Variants in NRP1 observed in about 807,000 individuals in gnomAD.
The protein encoded by NRP1 is neuropilin-1.
In NRP1, 35 loss-of-function variants were observed where a neutral mutation model predicts 106.7. The observed-to-expected ratio is 0.33, with a 90% CI of 0.25 to 0.43. NRP1 has a LOEUF of 0.43. Among genes scored for constraint, NRP1 ranks in the 20% least tolerant of loss-of-function variants. The probability of loss-of-function intolerance (pLI) is 1.00; values close to 1 mark genes in which losing one functional copy is unlikely to be tolerated. For synonymous variants in NRP1, 437 were observed against 417.9 expected (o/e 1.05, Z -0.56); for missense variants, 1,024 against 1,170.4 (o/e 0.87, Z 1.83).
chr10:33,309,232 G>T (rs1846393972), intron 2 of NRP1, among the ~76,000 whole-genome samples: 1 of 152,118 alleles, frequency 6.6e-6, no homozygotes, highest in African/African-American at 2.4e-5. Context: ...TACTACAGAT[G>T]GCCACTACTA....
intron 8 of NRP1, among the ~76,000 whole-genome samples, chr10:33,216,143 T>TC (rs1011785940): frequency 5.3e-5 from 8 of 150,002 alleles, no homozygotes; most frequent in African/African-American, 1.2e-4. Context: ...TTTCTTTCTT[T>TC]TTTTTTTTTT....
chr10:33,239,851 T>A (rs1840880322), intron 6 of NRP1, among the ~76,000 whole-genome samples: 1 of 152,206 alleles, frequency 6.6e-6, no homozygotes, highest in Admixed American at 6.5e-5. Flanking sequence ...CACAGGATGT[T>A]TATGTATCAG....
In NRP1 at chr10:33,177,917, A is replaced by T. The variant is rs1013792998; in HGVS notation, c.*2159T>A. Reference sequence around the variant, plus strand: ...AAATTAATAACTTTATAAACATATAATTTTTAAATATATTTATCAGTGCAA... The same window carrying T: ...AAATTAATAACTTTATAAACATATATTTTTTAAATATATTTATCAGTGCAA... On this transcript the variant is annotated 3_prime_UTR_variant, in exon 17 of 17. Transcript: ENST00000374867. The T allele has an allele frequency of 2.0e-5, 3 of 152,614 alleles. No individual in the cohort carries two copies. Among genetic ancestry groups the T allele is most frequent in the Admixed American group, 6.5e-5 (1 of 15,278 alleles). 9.5% of individuals were successfully genotyped at this position (152,614 alleles called of 1,614,324 possible).
chr10:33,183,735 G>T (rs547722576), intron 15 of NRP1, among the ~76,000 whole-genome samples: 12 of 152,292 alleles, frequency 7.9e-5, no homozygotes, highest in Admixed American at 2.6e-4. Context: ...ATGAATGAAT[G>T]AAAGATTAAT....
intron 4 of NRP1, among the ~76,000 whole-genome samples, chr10:33,260,607 T>G (rs757554296): frequency 2.6e-5 from 4 of 152,166 alleles, no homozygotes; most frequent in Non-Finnish European, 4.4e-5. Flanking sequence ...CGGGCAATGA[T>G]GCTGCACTTT....
Position 33,330,799 on chromosome 10 carries a change from T to C in NRP1, c.157A>G (p.Lys53Glu), listed in dbSNP as rs776148094. ...GGAGCCTGAATCAGCCATTCGCATT[T>C]TTCACTTGGGTGATAAGAATGAGGA... Reference protein sequence around the residue: ...GYPHSYHPSEKCEWLIQAPDP... With the variant: ...GYPHSYHPSEECEWLIQAPDP... Residue 53 changes from lysine to glutamate, a missense_variant, in exon 2 of 17, where the codon AAA becomes GAA. Coordinates refer to ENST00000374867, the MANE Select transcript of NRP1 (RefSeq NM_003873.7). 5 of 1,613,826 alleles carry C rather than the reference T, an allele frequency of 3.1e-6. No individual in the cohort carries two copies. Among genetic ancestry groups the C allele is most frequent in the Admixed American group, 1.7e-5 (1 of 60,000 alleles).
At chr10:33,203,098 G>C in intron 10 of NRP1, 103 bp from the exon 11 acceptor site, 2 of 1,144,034 alleles carry the variant, frequency 1.7e-6, no homozygotes, top group Non-Finnish European at 2.5e-6. Flanking sequence ...TTTAATCTGC[G>C]GTAAGAAGAC....
At chr10:33,330,395 G>GAA (rs559017298) in intron 2 of NRP1, among the ~76,000 whole-genome samples, 11 of 127,600 alleles carry the variant, frequency 8.6e-5, no homozygotes, top group African/African-American at 2.8e-4. Context: ...CCCTCTCCAG[G>GAA]AAAAAAAAAA....
At chr10:33,237,420 C>A (rs1459271153) in intron 6 of NRP1, among the ~76,000 whole-genome samples, 3 of 151,652 alleles carry the variant, frequency 2.0e-5, no homozygotes, top group Non-Finnish European at 2.9e-5. Context: ...GGGGGTTGGA[C>A]TTTGGCTGGG....
chr10:33,221,028 C>T lies in NRP1; in HGVS notation c.1282+691G>A, dbSNP rs547907324. ...GGAGGATAGCTTGAGTCCAGGAGTT[C>T]GAGACCAGCCCAAGCAACATAGGGG... is the stretch of plus-strand genomic sequence containing the variant. On this transcript the variant is annotated intron_variant, in intron 8 of 16. Coordinates refer to ENST00000374867, the MANE Select transcript of NRP1 (RefSeq NM_003873.7). Among the ~76,000 whole-genome samples the T allele has an allele frequency of 9.2e-5, 14 of 151,794 alleles. No individual in the cohort carries two copies. The East Asian group carries it at 2.1e-3, about 23-fold the overall frequency.
intron 9 of NRP1, chr10:33,212,263 G>A (rs1052339017): frequency 6.6e-6 from 1 of 152,344 alleles, no homozygotes; most frequent in Non-Finnish European, 1.5e-5. Context: ...ATAGCTAAAG[G>A]TGACAGCAAT....
At chr10:33,255,030 T>C (rs952026892) in intron 5 of NRP1, among the ~76,000 whole-genome samples, 2 of 152,162 alleles carry the variant, frequency 1.3e-5, no homozygotes, top group Non-Finnish European at 2.9e-5. Context: ...AGCTTTCAGT[T>C]TTAGGAAAAT....
In NRP1 at chr10:33,180,115, T is replaced by G; in HGVS notation, c.2733A>C (p.Lys911Asn). The change falls in exon 17 of 17, where the codon AAA becomes AAC. Residue 911 changes from lysine to asparagine, a missense_variant. Physicochemically the swap from Lys to Asn is moderately conservative, Grantham distance 94. Around this residue, in one of 5 missense-constraint regions of NRP1, gnomAD observed 164 missense variants for 161.4 expected, o/e 1.02. Coordinates refer to ENST00000374867, the MANE Select transcript of NRP1 (RefSeq NM_003873.7). ...AAGTACTCTGTGTATTCAGTTTGTCTTTTTTCAACTTCACACCATCCACAA... is the reference window on the plus strand; with the variant it reads ...AAGTACTCTGTGTATTCAGTTTGTCGTTTTTCAACTTCACACCATCCACAA... ...FELVDGVKLKKDKLNTQSTYS... is the reference protein window; with the variant it reads ...FELVDGVKLKNDKLNTQSTYS... 6.2e-7 allele frequency: 1 copy of G among 1,614,192 alleles called. No homozygotes were observed. Among genetic ancestry groups the G allele is most frequent in the Non-Finnish European group, 8.5e-7 (1 of 1,180,026 alleles).
At chr10:33,267,553 A>G (rs940102596) in intron 3 of NRP1, among the ~76,000 whole-genome samples, 1 of 152,178 alleles carries the variant, frequency 6.6e-6, no homozygotes, top group African/African-American at 2.4e-5. Context: ...ACATATATCA[A>G]GTGACCAAGT....
At chr10:33,286,015 T>G (rs1025737891) in intron 2 of NRP1, among the ~76,000 whole-genome samples, 1 of 152,334 alleles carries the variant, frequency 6.6e-6, no homozygotes, top group Admixed American at 6.5e-5. Flanking sequence ...CAGTATTTAA[T>G]GTCATTCCCA....
At chr10:33,216,279 A>G (rs1438844560) in intron 8 of NRP1, among the ~76,000 whole-genome samples, 1 of 151,320 alleles carries the variant, frequency 6.6e-6, no homozygotes, top group Non-Finnish European at 1.5e-5. Context: ...CTAGGACTCC[A>G]GGCGCCTGCC....
intron 2 of NRP1, among the ~76,000 whole-genome samples, chr10:33,319,571 TC>T (rs1370323416): frequency 7.0e-6 from 1 of 142,518 alleles, no homozygotes; most frequent in African/African-American, 2.7e-5. Context: ...CTTTTTTTTT[TC>T]TTTCTTTCTT....
intron 2 of NRP1, among the ~76,000 whole-genome samples, chr10:33,277,618 A>G (rs1843803906): frequency 6.6e-6 from 1 of 152,208 alleles, no homozygotes; most frequent in Non-Finnish European, 1.5e-5. Context: ...GCTGGGCCAC[A>G]ACCTGGCTGC....
intron 6 of NRP1, among the ~76,000 whole-genome samples, chr10:33,239,209 G>A (rs906660800): frequency 2.6e-5 from 4 of 151,782 alleles, no homozygotes; most frequent in Admixed American, 2.0e-4. Context: ...GATCACTTGA[G>A]CCCAGGAGGT....
Sources: allele counts gnomAD v4.1 joint callset (sites outside exome capture counted in the v4.1 genomes callset), GRCh38; gene constraint gnomAD v4.1.1; regional missense constraint gnomAD v4.1.1; transcripts MANE v1.5; gene names NCBI Gene and HGNC (gene_info 2026-07-23, HGNC 2026-07-21).